The following ZMYM2 variants were observed in gnomAD, a reference collection of about 807,000 sequenced individuals.
The protein encoded by ZMYM2 is zinc finger MYM-type containing 2, also known as zinc finger MYM-type protein 2.
ZMYM2 carries 56 observed loss-of-function variants against 162.8 expected under a neutral mutation model. That is an observed-to-expected ratio of 0.34 (90% confidence interval 0.28 to 0.43). The LOEUF (loss-of-function observed/expected upper bound fraction) is 0.43. ZMYM2 is among the 20% of genes least tolerant of loss of function. ZMYM2 has a pLI of 1.00. For synonymous variants in ZMYM2, 510 were observed against 541.6 expected, an observed-to-expected ratio of 0.94 and a Z score of 0.81; for missense variants, 1,275 against 1,621.8, an observed-to-expected ratio of 0.79 and a Z score of 3.67.
intron 14 of ZMYM2, among the ~76,000 whole-genome samples, chr13:20,055,336 G>C (rs938724891): frequency 5.3e-5 from 8 of 152,296 alleles, no homozygotes; most frequent in Admixed American, 3.9e-4. Flanking sequence ...AAAAATTTGA[G>C]TTATCCAATG....
chr13:20,084,886 TA>T (rs1205411043), intron 24 of ZMYM2, among the ~76,000 whole-genome samples: 1 of 152,194 alleles, frequency 6.6e-6, no homozygotes, highest in African/African-American at 2.4e-5. Flanking sequence ...TAGTATCATG[TA>T]TAGGATGATA....
intron 2 of ZMYM2, among the ~76,000 whole-genome samples, chr13:19,988,050 G>A (rs1031263299): frequency 1.3e-5 from 2 of 152,328 alleles, no homozygotes; most frequent in Admixed American, 1.3e-4. Context: ...TCTGTGTATA[G>A]TGTTTGAATC....
At chr13:19,864,695 G>C in the ZMYM2 span, 4 of 152,368 alleles carry the variant, frequency 2.6e-5, no homozygotes, top group Non-Finnish European at 4.4e-5. Context: ...GGTCCGGAAT[G>C]GTTGATGGAG....
chr13:19,890,455 A>G, the ZMYM2 span, among the ~76,000 whole-genome samples: 1 of 147,184 alleles, frequency 6.8e-6, no homozygotes, highest in Non-Finnish European at 1.5e-5. Flanking sequence ...GGCATGAGCC[A>G]TAGTTCACTG....
chr13:19,968,567 TC>T (rs1956018058), intron 2 of ZMYM2, among the ~76,000 whole-genome samples: 1 of 152,222 alleles, frequency 6.6e-6, no homozygotes, highest in African/African-American at 2.4e-5. Flanking sequence ...AGACCTCCCC[TC>T]ACTAGACTAA....
intron 12 of ZMYM2, among the ~76,000 whole-genome samples, chr13:20,046,784 C>T (rs1169170620): frequency 1.3e-5 from 2 of 151,102 alleles, no homozygotes. Flanking sequence ...GACAAAAGAC[C>T]ATGTTATTGT....
chr13:20,045,601 C>A (rs1180757906), intron 12 of ZMYM2, among the ~76,000 whole-genome samples: 1 of 152,150 alleles, frequency 6.6e-6, no homozygotes, highest in East Asian at 1.9e-4. Flanking sequence ...TACAAGTGCA[C>A]TTTTATACCC....
the ZMYM2 span, among the ~76,000 whole-genome samples, chr13:19,934,142 A>T: frequency 3.3e-5 from 5 of 151,848 alleles, no homozygotes; most frequent in African/African-American, 9.7e-5. Context: ...TGTCTTTAGA[A>T]TTCATACTCG....
Position 20,006,596 on chromosome 13 carries a change from GTTCTAATCAAAATTGGGCAT to G in ZMYM2, c.1512+12_1512+31del. ...CAGTGAATACAAACAGGTAATTCATGTTCTAATCAAAATTGGGCATTCTTTAGAATGTTCTTGAAAGTGTT... is the reference window on the plus strand; with the variant it reads ...CAGTGAATACAAACAGGTAATTCATGTCTTTAGAATGTTCTTGAAAGTGTT... On this transcript the variant is annotated intron_variant, in intron 6 of 24. Transcript: ENST00000610343. 6.2e-7 allele frequency: 1 copy of G among 1,612,418 alleles called. No homozygotes were observed. The highest frequency in any genetic ancestry group is 1.7e-5 in the Admixed American group (1 of 59,892).
chr13:19,949,872 G>A, the ZMYM2 span, among the ~76,000 whole-genome samples: 3 of 140,180 alleles, frequency 2.1e-5, no homozygotes, highest in African/African-American at 7.9e-5. Flanking sequence ...GGGTGACAGA[G>A]CGAGACTTTG....
intron 2 of ZMYM2, among the ~76,000 whole-genome samples, chr13:19,972,288 A>G (rs2139302552): frequency 6.6e-6 from 1 of 152,292 alleles, no homozygotes; most frequent in South Asian, 2.1e-4. Flanking sequence ...TTGTGGCTAA[A>G]TTGTAAGCAA....
chr13:19,934,505 C>T, the ZMYM2 span, among the ~76,000 whole-genome samples: 1 of 152,088 alleles, frequency 6.6e-6, no homozygotes, highest in Non-Finnish European at 1.5e-5. Context: ...TATCTATATT[C>T]CTCATAATAA....
At chr13:20,082,181 T>C (rs991959479) in intron 22 of ZMYM2, 51 bp downstream of exon 22, 4 of 1,286,162 alleles carry the variant, frequency 3.1e-6, no homozygotes, top group African/African-American at 1.5e-5. Context: ...AGGATTGTTA[T>C]TTTTACAGAG....
At chr13:19,932,032 T>C in the ZMYM2 span, among the ~76,000 whole-genome samples, 1 of 152,240 alleles carries the variant, frequency 6.6e-6, no homozygotes. Flanking sequence ...TAGGGCCAGA[T>C]ATTGCAAGTG....
chr13:19,929,386 C>CT, the ZMYM2 span, among the ~76,000 whole-genome samples: 2 of 152,026 alleles, frequency 1.3e-5, no homozygotes, highest in Non-Finnish European at 2.9e-5. Context: ...CTACAGGCGC[C>CT]TGCCGCCACG....
the ZMYM2 span, among the ~76,000 whole-genome samples, chr13:19,931,164 A>G: frequency 6.6e-6 from 1 of 150,810 alleles, no homozygotes; most frequent in Admixed American, 6.6e-5. Context: ...AATAATAATA[A>G]TAATAATTTA....
intron 21 of ZMYM2, among the ~76,000 whole-genome samples, chr13:20,071,527 G>T (rs957630761): frequency 2.2e-4 from 34 of 152,162 alleles, no homozygotes; most frequent in African/African-American, 7.7e-4. Context: ...GAAGGATTTG[G>T]TCTAATACTA....
intron 12 of ZMYM2, among the ~76,000 whole-genome samples, chr13:20,040,395 C>T (rs548403956): frequency 6.6e-6 from 1 of 152,204 alleles, no homozygotes; most frequent in South Asian, 2.1e-4. Context: ...ATTACAATCT[C>T]TGGTGGTTAT....
chr13:20,064,361 G>C lies in ZMYM2; in HGVS notation c.3038-90G>C, dbSNP rs1049005185. ...AGATTGTCCCCATGTATGAATGCTG[G>C]TTTACATCCTGTGGTTAGTTCTTTG... On this transcript the variant is annotated intron_variant, in intron 18 of 24. Transcript: ENST00000610343. 27 of 1,123,054 alleles carry C rather than the reference G, an allele frequency of 2.4e-5. No individual in the cohort carries two copies. The African/African-American group carries it at 3.1e-4, about 13-fold the overall frequency. The allele number at this position is 1,123,054 out of a possible 1,614,324, so 69.6% of individuals were successfully genotyped here.
Sources: allele counts gnomAD v4.1 joint callset (sites outside exome capture counted in the v4.1 genomes callset), GRCh38; gene constraint gnomAD v4.1.1; transcripts MANE v1.5; gene names NCBI Gene and HGNC (gene_info 2026-07-23, HGNC 2026-07-21).